The following CLDN1 variants were observed in gnomAD, a reference collection of about 807,000 sequenced individuals.
The protein encoded by CLDN1 is claudin 1, also known as claudin-1.
Under a neutral mutation model 22.6 loss-of-function variants are expected in CLDN1, and 12 were observed. The observed-to-expected ratio is 0.53, with a 90% CI of 0.34 to 0.86. CLDN1 has a LOEUF of 0.86. Ranked by LOEUF, CLDN1 falls within the 40% of genes least tolerant of loss-of-function variation. CLDN1 has a pLI of 0.02. For missense variants in CLDN1, 250 were observed against 269.5 expected (o/e 0.93, Z 0.51); for synonymous variants, 99 against 103.8 (o/e 0.95, Z 0.28).
Position 190,322,258 on chromosome 3 carries a change from A to T in CLDN1, c.-52T>A. ...CAGGGGTGGCAGGTGCAGAAGGCGG[A>T]GAGTTTGCAGGTGGGCAACCCGGAC... On this transcript the variant is annotated 5_prime_UTR_variant, in exon 1 of 4. Coordinates refer to ENST00000295522, the MANE Select transcript of CLDN1 (RefSeq NM_021101.5). The T allele has an allele frequency of 6.4e-7, 1 of 1,552,694 alleles. No homozygotes were observed. The highest frequency in any genetic ancestry group is 8.8e-7 in the Non-Finnish European group (1 of 1,130,448).
At position 190,316,767 on chromosome 3, in the gene CLDN1, A is replaced by G. The variant is rs551016883; in HGVS notation, c.224-3731T>C. Among the ~76,000 whole-genome samples, 10 of 152,294 alleles carry G rather than the reference A, an allele frequency of 6.6e-5. No homozygotes were observed. The East Asian group carries it at 1.9e-3, about 29-fold the overall frequency. On this transcript the variant is annotated intron_variant, in intron 1 of 3. Coordinates refer to ENST00000295522, the MANE Select transcript of CLDN1 (RefSeq NM_021101.5). ...TAAATTTAAATTAGAACATGTCTTTATCCTTTAAAAATCTGTACCAATATG... is the reference window on the plus strand; with the variant it reads ...TAAATTTAAATTAGAACATGTCTTTGTCCTTTAAAAATCTGTACCAATATG...
intron 1 of CLDN1, among the ~76,000 whole-genome samples, chr3:190,316,825 C>T (rs527280182): frequency 6.6e-6 from 1 of 152,236 alleles, no homozygotes; most frequent in African/African-American, 2.4e-5. Context: ...TTGTGTTTAG[C>T]TTAATTTTTG....
intron 1 of CLDN1, among the ~76,000 whole-genome samples, chr3:190,317,775 T>C (rs1716810061): frequency 6.6e-6 from 1 of 152,218 alleles, no homozygotes; most frequent in African/African-American, 2.4e-5. Context: ...CCTCCCTACA[T>C]GCAGGCTTTG....
At chr3:190,311,966 T>TG (rs1345396524) in intron 2 of CLDN1, among the ~76,000 whole-genome samples, 2 of 151,666 alleles carry the variant, frequency 1.3e-5, no homozygotes, top group African/African-American at 4.8e-5. Context: ...TTTTTCTTTT[T>TG]TTTTTAGACA....
intron 2 of CLDN1, 49 bp from the exon 3 acceptor site, chr3:190,310,302 C>T: frequency 7.1e-7 from 1 of 1,406,008 alleles, no homozygotes. Flanking sequence ...GAACACTGAG[C>T]CTAAATACAC....
At chr3:190,316,653 G>A (rs1215604043) in intron 1 of CLDN1, among the ~76,000 whole-genome samples, 1 of 152,088 alleles carries the variant, frequency 6.6e-6, no homozygotes, top group Non-Finnish European at 1.5e-5. Flanking sequence ...ATGAACTCCT[G>A]GATGATTTGA....
chr3:190,313,119 G>T, intron 1 of CLDN1, 83 bp from the exon 2 acceptor site: 2 of 1,510,470 alleles, frequency 1.3e-6, no homozygotes, highest in Non-Finnish European at 1.8e-6. Flanking sequence ...ATATGTCACT[G>T]TTGTATGGAA....
chr3:190,318,648 T>C (rs1716833599), intron 1 of CLDN1, among the ~76,000 whole-genome samples: 1 of 152,242 alleles, frequency 6.6e-6, no homozygotes, highest in Non-Finnish European at 1.5e-5. Context: ...ATCTCAAGCC[T>C]GGATTTTTGC....
At position 190,305,719 on chromosome 3, in the gene CLDN1, A is replaced by C. The variant is rs1030970682; in HGVS notation, c.*2558T>G. The C allele has an allele frequency of 6.6e-6, 1 of 152,166 alleles. No homozygotes were observed. The highest frequency in any genetic ancestry group is 1.5e-5 in the Non-Finnish European group (1 of 68,020). 9.4% of individuals were successfully genotyped at this position (152,166 alleles called of 1,614,324 possible). ...AAGCCAATAATCCTTTTTTTAAATTAAAAAACAATTTATTGAAAAAGAGTA... is the reference window on the plus strand; with the variant it reads ...AAGCCAATAATCCTTTTTTTAAATTCAAAAACAATTTATTGAAAAAGAGTA... On this transcript the variant is annotated 3_prime_UTR_variant, in exon 4 of 4. Transcript: ENST00000295522.
chr3:190,313,067 A>G (rs1716670600), intron 1 of CLDN1, 31 bp from the exon 2 acceptor site: 1 of 1,613,532 alleles, frequency 6.2e-7, no homozygotes, highest in Admixed American at 1.7e-5. Flanking sequence ...ACATGTAAAA[A>G]TATGCTTGGA....
rs779557390 is a variant in CLDN1, at chr3:190,308,332, G to T, written c.581C>A (p.Pro194Gln). 1.9e-6 allele frequency: 3 copies of T among 1,613,674 alleles called. No homozygotes were observed. In the East Asian group the frequency reaches 6.7e-5, roughly 36 times the overall value. The change falls in exon 4 of 4, where the codon CCA (proline) becomes CAA (glutamine). Residue 194 changes from proline to glutamine, a missense_variant. Pro to Gln is a moderately conservative substitution (Grantham distance 76). Coordinates refer to ENST00000295522, the MANE Select transcript of CLDN1 (RefSeq NM_021101.5). ...CSCPRKTTSY[P>Q]TPRPYPKPAP... ...AGGTTTTGGATAGGGCCTTGGTGTTGGGTAAGAGGTTGTTTTTCGGGGACA... is the reference window on the plus strand; with the variant it reads ...AGGTTTTGGATAGGGCCTTGGTGTTTGGTAAGAGGTTGTTTTTCGGGGACA...
At chr3:190,313,106 A>G in intron 1 of CLDN1, 70 bp from the exon 2 acceptor site, 1 of 1,555,146 alleles carries the variant, frequency 6.4e-7, no homozygotes, top group Non-Finnish European at 8.9e-7. Flanking sequence ...AAGAAGACCA[A>G]GTATATGTCA....
At chr3:190,320,201 A>G (rs976560522) in intron 1 of CLDN1, among the ~76,000 whole-genome samples, 6 of 152,250 alleles carry the variant, frequency 3.9e-5, no homozygotes, top group African/African-American at 1.4e-4. Context: ...AGTATTTACA[A>G]CATAGATCAA....
At chr3:190,313,298 G>T in intron 1 of CLDN1, 2 of 454,660 alleles carry the variant, frequency 4.4e-6, no homozygotes, top group South Asian at 2.5e-5. Context: ...AAAATCAACT[G>T]GAAAATTAAT....
In CLDN1 at chr3:190,310,203, C is replaced by A; in HGVS notation, c.439G>T (p.Glu147Ter). ...TAWYGNRIVQ[E>*]FYDPMTPVNA... ...ACTGGGGTCATAGGGTCATAGAATT[C>A]TTGAACGATTCTATTGCCATACCAT... The change falls in exon 3 of 4, where the codon GAA becomes TAA. Residue 147 changes from glutamate to a stop codon, truncating the protein, a stop_gained. Coordinates refer to ENST00000295522, the MANE Select transcript of CLDN1 (RefSeq NM_021101.5). LOFTEE classifies it high-confidence loss of function. 2 of 1,613,854 alleles carry A rather than the reference C, an allele frequency of 1.2e-6. No homozygotes were observed. The highest frequency in any genetic ancestry group is 1.7e-6 in the Non-Finnish European group (2 of 1,179,838).
intron 1 of CLDN1, among the ~76,000 whole-genome samples, chr3:190,315,399 C>T (rs1476606874): frequency 3.3e-5 from 5 of 152,060 alleles, no homozygotes; most frequent in Non-Finnish European, 5.9e-5. Flanking sequence ...CAAAGTAAAA[C>T]GAAGTTTAGC....
Position 190,322,213 on chromosome 3 carries a change from C to G in CLDN1, c.-7G>C. ...GCAGCCCCGCGTTGGCCATGACTCG[C>G]TCGGGCGCCCGCGCTGGCTCAGGGG... On this transcript the variant is annotated 5_prime_UTR_variant, in exon 1 of 4. Coordinates refer to ENST00000295522, the MANE Select transcript of CLDN1 (RefSeq NM_021101.5). 6.2e-7 allele frequency: 1 copy of G among 1,613,000 alleles called. No homozygotes were observed. The highest frequency in any genetic ancestry group is 8.5e-7 in the Non-Finnish European group (1 of 1,179,826).
chr3:190,310,232 G>T lies in CLDN1; in HGVS notation c.410C>A (p.Thr137Lys). 6.2e-7 allele frequency: 1 copy of T among 1,613,482 alleles called. No homozygotes were observed. Among genetic ancestry groups the T allele is most frequent in the Non-Finnish European group, 8.5e-7 (1 of 1,179,540 alleles). ...AACGATTCTATTGCCATACCATGCTGTGGCAACTAAAATAGCCAGACCTAT... is the reference window on the plus strand; with the variant it reads ...AACGATTCTATTGCCATACCATGCTTTGGCAACTAAAATAGCCAGACCTAT... ...LLAGLAILVA[T>K]AWYGNRIVQE... Residue 137 changes from threonine to lysine, a missense_variant, in exon 3 of 4, where the codon ACA becomes AAA. Coordinates refer to ENST00000295522, the MANE Select transcript of CLDN1 (RefSeq NM_021101.5).
In CLDN1 at chr3:190,309,213, T is replaced by C. The variant is rs573850817; in HGVS notation, c.474-774A>G. Among the ~76,000 whole-genome samples the C allele has an allele frequency of 2.0e-5, 3 of 152,344 alleles. No homozygotes were observed. The South Asian group carries it at 6.2e-4, about 32-fold the overall frequency. ...CTGCTTTTAGGATCACATGCAATAA[T>C]GTAAATAACAATTGCAAAATGGCTG... On this transcript the variant is annotated intron_variant, in intron 3 of 3. Transcript: ENST00000295522.
Sources: gnomAD v4.1 joint callset for allele counts (sites outside exome capture counted in the v4.1 genomes callset) on GRCh38, gnomAD v4.1.1 for gene constraint, MANE v1.5 for transcripts, NCBI Gene and HGNC (gene_info 2026-07-23, HGNC 2026-07-21) for gene names.